SDK2: variants seen among roughly 807,000 people sequenced by gnomAD.
SDK2 encodes sidekick cell adhesion molecule 2.
Under a neutral mutation model 253.9 loss-of-function variants are expected in SDK2, and 105 were observed. The ratio of observed to expected loss-of-function variants is 0.41; its 90% CI spans 0.35 to 0.49. The LOEUF is 0.49. Ranked by LOEUF, SDK2 falls within the 20% of genes least tolerant of loss-of-function variation. SDK2 has a pLI of 0.06. For synonymous variants in SDK2, 1,249 were observed against 1,234.9 expected, an observed-to-expected ratio of 1.01 and a Z score of -0.24; for missense variants, 2,608 against 3,003.0, an observed-to-expected ratio of 0.87 and a Z score of 3.07.
chr17:73,456,469 A>C (rs1159583144), intron 3 of SDK2, among the ~76,000 whole-genome samples: 2 of 152,056 alleles, frequency 1.3e-5, no homozygotes, highest in Non-Finnish European at 2.9e-5. Flanking sequence ...CCCCTGCCCT[A>C]CAGTGTGCCC....
At chr17:73,630,943 G>A (rs559089154) in intron 1 of SDK2, among the ~76,000 whole-genome samples, 4 of 151,832 alleles carry the variant, frequency 2.6e-5, no homozygotes, top group Non-Finnish European at 2.9e-5. Flanking sequence ...TAGGTTCTTC[G>A]TCCACCAGGG....
intron 1 of SDK2, among the ~76,000 whole-genome samples, chr17:73,533,397 C>A (rs2064186221): frequency 6.6e-6 from 1 of 152,374 alleles, no homozygotes; most frequent in East Asian, 1.9e-4. Flanking sequence ...CATCCCCTGG[C>A]AGTCTGTCTG....
rs1388469490 is a variant in SDK2 at position 73,447,007 on chromosome 17, C to T, written c.613+608G>A. 1.3e-5 allele frequency among the ~76,000 whole-genome samples: 2 copies of T among 152,166 alleles called. No homozygotes were observed. Among genetic ancestry groups the T allele is most frequent in the Non-Finnish European group, 2.9e-5 (2 of 68,024 alleles). ...TTGCCAAAGCACACCAAGGGAATCA[C>T]GCTTTTGTGTGTGTCTCACTGTGTG... On this transcript the variant is annotated intron_variant, in intron 5 of 44. Transcript: ENST00000392650. The surrounding 1 kb of genome is among the most constrained non-coding windows in gnomAD (Gnocchi z 4.0).
chr17:73,365,595 C>T (rs1362646926), intron 37 of SDK2, among the ~76,000 whole-genome samples, 200 bp from the exon 38 acceptor site: 1 of 152,062 alleles, frequency 6.6e-6, no homozygotes, highest in African/African-American at 2.4e-5. Context: ...TTTCCAGTAT[C>T]AGAGTCCTAA....
intron 1 of SDK2, among the ~76,000 whole-genome samples, chr17:73,508,323 C>A (rs1429868092): frequency 1.3e-5 from 2 of 152,268 alleles, no homozygotes; most frequent in Non-Finnish European, 2.9e-5. Context: ...TCGACAGAGA[C>A]CGTGAATTTC....
At position 73,625,126 on chromosome 17, in the gene SDK2, C is replaced by G. The variant is rs145757160; in HGVS notation, c.64+18899G>C. On this transcript the variant is annotated intron_variant, in intron 1 of 44. Coordinates refer to ENST00000392650, the MANE Select transcript of SDK2 (RefSeq NM_001144952.2). ...CTGAGGTGTGCTCTGGCTTTCAAGACCATGGTAATTTGAACACAGCCTCTC... is the reference window on the plus strand; with the variant it reads ...CTGAGGTGTGCTCTGGCTTTCAAGAGCATGGTAATTTGAACACAGCCTCTC... Among the ~76,000 whole-genome samples, 491 of 152,232 alleles carry G rather than the reference C, an allele frequency of 3.2e-3. 2 individuals are homozygous for G. The highest frequency in any genetic ancestry group is 0.011 in the African/African-American group (462 of 41,540).
chr17:73,401,319 G>T, intron 20 of SDK2, 108 bp from the exon 21 acceptor site: 3 of 1,028,832 alleles, frequency 2.9e-6, no homozygotes, highest in Middle Eastern at 2.2e-4. Flanking sequence ...GATCCACGCT[G>T]GGAGCAATGG....
chr17:73,387,954 T>G lies in SDK2; in HGVS notation c.4276A>C (p.Ser1426Arg), dbSNP rs1568377035. 1.9e-6 allele frequency: 3 copies of G among 1,575,046 alleles called. No individual in the cohort carries two copies. The Admixed American group carries it at 5.6e-5, about 29-fold the overall frequency. ...RSVLLSWEPG[S>R]DGLSPVRYYT... Reference sequence around the variant, plus strand: ...TAGCGCACAGGGGAGAGCCCGTCGCTCCCTGGCTCCCAGGACAGCAGCACG... The same window carrying G: ...TAGCGCACAGGGGAGAGCCCGTCGCGCCCTGGCTCCCAGGACAGCAGCACG... The change falls in exon 30 of 45, where the codon AGC becomes CGC. Residue 1426 changes from serine (S) to arginine (R), a missense_variant. By Grantham distance (110) the Ser-to-Arg change is moderately radical. This residue lies in a region of SDK2 where 1,103 missense variants were observed against 1,143.9 expected (regional missense o/e 0.96). Coordinates refer to ENST00000392650, the MANE Select transcript of SDK2 (RefSeq NM_001144952.2).
At chr17:73,401,915 G>GC in intron 19 of SDK2, 31 bp downstream of exon 19, 2 of 1,519,898 alleles carry the variant, frequency 1.3e-6, no homozygotes. Flanking sequence ...GGCGGGGGGG[G>GC]GCAGAAAGAG....
chr17:73,538,774 C>A (rs1031401499), intron 1 of SDK2, among the ~76,000 whole-genome samples: 1 of 152,170 alleles, frequency 6.6e-6, no homozygotes, highest in African/African-American at 2.4e-5. Flanking sequence ...TATGCCACAG[C>A]CATTTCGTCT....
chr17:73,514,070 T>A (rs550431802), intron 1 of SDK2, among the ~76,000 whole-genome samples: 1 of 152,274 alleles, frequency 6.6e-6, no homozygotes, highest in East Asian at 1.9e-4. Flanking sequence ...TTATCTATGA[T>A]CAGATATATG....
rs907769836 is a variant in SDK2, at chr17:73,639,420, C to A, written c.64+4605G>T. On this transcript the variant is annotated intron_variant, in intron 1 of 44. Coordinates refer to ENST00000392650, the MANE Select transcript of SDK2 (RefSeq NM_001144952.2). This position sits in a 1 kb window ranked among gnomAD's most constrained non-coding sequence, Gnocchi z 4.3. ...TGCCTCCTGCCCAGCACATGGACAG[C>A]AGGGGTGGGACACCTAGGGGAGGGG... is the stretch of plus-strand genomic sequence containing the variant. Among the ~76,000 whole-genome samples the A allele has an allele frequency of 6.6e-6, 1 of 152,156 alleles. No individual in the cohort carries two copies. Among genetic ancestry groups the A allele is most frequent in the South Asian group, 2.1e-4 (1 of 4,826 alleles).
At position 73,511,337 on chromosome 17, in the gene SDK2, TGAGCACACACACACGCGC is replaced by T. The variant is rs974993903; in HGVS notation, c.65-3758_65-3741del. ...CTGCATGCACACATGTGCATATGTG[TGAGCACACACACACGCGC>T]GAGCACGCACACGCTCTGCGCCCAG... is the stretch of plus-strand genomic sequence containing the variant. On this transcript the variant is annotated intron_variant, in intron 1 of 44. Transcript: ENST00000392650. This position sits in a 1 kb window ranked among gnomAD's most constrained non-coding sequence, Gnocchi z 4.9. 2.0e-5 allele frequency among the ~76,000 whole-genome samples: 3 copies of T among 152,208 alleles called. No individual in the cohort carries two copies. Among genetic ancestry groups the T allele is most frequent in the Non-Finnish European group, 2.9e-5 (2 of 68,030 alleles).
At chr17:73,623,336 C>A (rs1008130404) in intron 1 of SDK2, among the ~76,000 whole-genome samples, 7 of 152,292 alleles carry the variant, frequency 4.6e-5, no homozygotes, top group Admixed American at 4.6e-4. Flanking sequence ...CTAGGGTCAT[C>A]ATAGAGGCAG....
intron 29 of SDK2, 53 bp from the exon 30 acceptor site, chr17:73,388,090 G>T: frequency 7.7e-7 from 1 of 1,290,500 alleles, no homozygotes; most frequent in Non-Finnish European, 1.1e-6. Context: ...CCATGGTGGA[G>T]GGGGCTGGAC....
At chr17:73,466,750 G>C (rs1298392450) in intron 3 of SDK2, among the ~76,000 whole-genome samples, 1 of 147,462 alleles carries the variant, frequency 6.8e-6, no homozygotes, top group Admixed American at 7.0e-5. Flanking sequence ...GCATCTTTGG[G>C]GGGCTCTGGG....
At chr17:73,343,618 A>G (rs757353771) in intron 44 of SDK2, among the ~76,000 whole-genome samples, 10 of 152,104 alleles carry the variant, frequency 6.6e-5, no homozygotes, top group Non-Finnish European at 1.0e-4. Flanking sequence ...CCTCAAAGCC[A>G]CTCAATCAGC....
rs79412140 is a variant in SDK2, at chr17:73,428,964, C to G, written c.1583+1547G>C. Among the ~76,000 whole-genome samples the G allele has an allele frequency of 2.5e-3, 374 of 152,296 alleles. 13 individuals carry two copies. In the East Asian group the frequency reaches 0.066, roughly 27 times the overall value. On this transcript the variant is annotated intron_variant, in intron 12 of 44. Transcript: ENST00000392650. ...ACCTGGTACAGGGATTTCTGACCTG[C>G]AGTTCACTGGAAGGGCCTACAGAGT...
rs760479146 is a variant in SDK2 at position 73,350,643 on chromosome 17, C to G, written c.5899+7G>C. 7 of 1,608,464 alleles carry G rather than the reference C, an allele frequency of 4.4e-6. No individual in the cohort carries two copies. Among genetic ancestry groups the G allele is most frequent in the Admixed American group, 1.7e-5 (1 of 58,742 alleles). ...CCAGCCAGCATGGCTGGTGCCAGCT[C>G]ACTCACCCGAGTCTGTCTTCTTGGC... On this transcript the variant is annotated splice_region_variant and intron_variant, in intron 42 of 44. Transcript: ENST00000392650.
Sources: allele counts gnomAD v4.1 joint callset (sites outside exome capture counted in the v4.1 genomes callset), GRCh38; gene constraint gnomAD v4.1.1; regional missense constraint gnomAD v4.1.1; non-coding constraint Gnocchi (gnomAD v3.1); transcripts MANE v1.5; gene names NCBI Gene and HGNC (gene_info 2026-07-23, HGNC 2026-07-21).